XDH: variants seen among roughly 807,000 people sequenced by gnomAD.
XDH encodes xanthine dehydrogenase/oxidase.
Under a neutral mutation model 156.1 loss-of-function variants are expected in XDH, and 138 were observed. The ratio of observed to expected loss-of-function variants is 0.88; its 90% CI spans 0.77 to 1.02. The LOEUF is 1.02. Among genes scored for constraint, XDH ranks in the 50% least tolerant of loss-of-function variants. The pLI, the probability that XDH is intolerant of heterozygous loss-of-function variation, is 0.00. For synonymous variants in XDH, 669 were observed against 625.7 expected (o/e 1.07, Z -1.03); for missense variants, 1,849 against 1,684.9 (o/e 1.10, Z -1.71).
At chr2:31,342,328 G>A (rs1315945848) in intron 31 of XDH, 31 bp from the exon 32 acceptor site, 2 of 1,572,152 alleles carry the variant, frequency 1.3e-6, no homozygotes, top group South Asian at 1.1e-5. Flanking sequence ...TACTGCACAT[G>A]TATTAACATG....
chr2:31,383,944 C>T (rs1224663031), intron 9 of XDH, 97 bp from the exon 10 acceptor site: 16 of 1,037,166 alleles, frequency 1.5e-5, no homozygotes, highest in Non-Finnish European at 2.3e-5. Context: ...GGATATATGA[C>T]ATATCCACAA....
intron 20 of XDH, among the ~76,000 whole-genome samples, chr2:31,367,684 T>A (rs1464341188): frequency 6.6e-6 from 1 of 152,130 alleles, no homozygotes; most frequent in Non-Finnish European, 1.5e-5. Flanking sequence ...CAGGCATATG[T>A]GGCTGTTATC....
chr2:31,350,367 T>TA, intron 24 of XDH, 144 bp from the exon 25 acceptor site: 3 of 335,844 alleles, frequency 8.9e-6, no homozygotes, highest in Non-Finnish European at 1.6e-5. Flanking sequence ...TGCAGCAGCA[T>TA]CTTTTTTTTT....
At chr2:31,397,870 C>A in intron 5 of XDH, 141 bp from the exon 6 acceptor site, 1 of 904,068 alleles carries the variant, frequency 1.1e-6, no homozygotes, top group Non-Finnish European at 1.8e-6. Context: ...GGCCTCTTGG[C>A]CTTCTCATAT....
intron 12 of XDH, among the ~76,000 whole-genome samples, chr2:31,381,007 AT>A (rs1275477041): frequency 6.6e-6 from 1 of 151,794 alleles, no homozygotes; most frequent in African/African-American, 2.4e-5. Flanking sequence ...TTTTATTTTT[AT>A]TTTTTGAGAC....
intron 30 of XDH, 28 bp from the exon 31 acceptor site, chr2:31,344,764 G>C: frequency 6.2e-7 from 1 of 1,613,352 alleles, no homozygotes; most frequent in Non-Finnish European, 8.5e-7. Flanking sequence ...CCATCAGGCA[G>C]GTGAAGTGAG....
intron 35 of XDH, among the ~76,000 whole-genome samples, chr2:31,337,224 T>C (rs1684990170): frequency 6.6e-6 from 1 of 152,054 alleles, no homozygotes; most frequent in Admixed American, 6.6e-5. Flanking sequence ...ATCTAATTAA[T>C]TATTTCCTCT....
chr2:31,339,633 C>T lies in XDH; in HGVS notation c.3630G>A (p.Glu1210=). Residue 1210 remains glutamate (E), a synonymous_variant, in exon 34 of 36, where the codon GAG becomes GAA. Coordinates refer to ENST00000379416, the MANE Select transcript of XDH (RefSeq NM_000379.4). ...TCCCCTCGGGGGAATAGTGTAGCTC[C>T]TCTAGGGTGAAGAGGCCAAGGCCCT... is the stretch of plus-strand genomic sequence containing the variant. ...FVQGLGLFTL[E]ELHYSPEGSL... 1 of 1,614,178 alleles carries T rather than the reference C, an allele frequency of 6.2e-7. No individual in the cohort carries two copies. The highest frequency in any genetic ancestry group is 1.3e-5 in the African/African-American group (1 of 75,056).
intron 18 of XDH, among the ~76,000 whole-genome samples, chr2:31,369,779 T>C (rs1364129117): frequency 6.6e-6 from 1 of 152,248 alleles, no homozygotes; most frequent in Non-Finnish European, 1.5e-5. Flanking sequence ...AATAATAAGA[T>C]GAATTCACTC....
At position 31,349,755 on chromosome 2, in the gene XDH, C is replaced by G; in HGVS notation, c.2900G>C (p.Arg967Thr). Residue 967 changes from arginine to threonine, a missense_variant, in exon 26 of 36, where the codon AGA becomes ACA. Transcript: ENST00000379416. ...NQKLEGFTLP[R>T]CWEECLASSQ... ...GCTTGCTAGGCATTCTTCCCAGCAT[C>G]TGGGCAAGGTGAAACCCTCAAGCTT... is the stretch of plus-strand genomic sequence containing the variant. The G allele has an allele frequency of 6.2e-7, 1 of 1,614,206 alleles. No individual in the cohort carries two copies. Among genetic ancestry groups the G allele is most frequent in the Non-Finnish European group, 8.5e-7 (1 of 1,180,046 alleles).
At position 31,339,110 on chromosome 2, in the gene XDH, C is replaced by T. The variant is rs45456096; in HGVS notation, c.3774+379G>A. 8.8e-3 allele frequency among the ~76,000 whole-genome samples: 1,342 copies of T among 152,208 alleles called. 10 individuals carry two copies. Among genetic ancestry groups the T allele is most frequent in the Non-Finnish European group, 0.015 (1,014 of 68,014 alleles). On this transcript the variant is annotated intron_variant, in intron 34 of 35. Coordinates refer to ENST00000379416, the MANE Select transcript of XDH (RefSeq NM_000379.4). ...TGCTATCCCATTGGCAGTGAATGTG[C>T]TGATTGTCATTGGACCATACTAATG...
At chr2:31,365,569 A>T in intron 22 of XDH, 25 bp from the exon 23 acceptor site, 1 of 1,613,620 alleles carries the variant, frequency 6.2e-7, no homozygotes, top group South Asian at 1.1e-5. Context: ...CAGTGTTAGA[A>T]GCCTGTGAGC....
chr2:31,398,891 A>G (rs1427308347), intron 4 of XDH, among the ~76,000 whole-genome samples, 192 bp from the exon 5 acceptor site: 1 of 152,190 alleles, frequency 6.6e-6, no homozygotes, highest in Non-Finnish European at 1.5e-5. Context: ...TAGGTTCTTC[A>G]TCTGTATGAT....
chr2:31,408,720 G>T (rs2148012749), intron 1 of XDH, among the ~76,000 whole-genome samples: 1 of 152,298 alleles, frequency 6.6e-6, no homozygotes, highest in East Asian at 1.9e-4. Context: ...ATGGAGAACA[G>T]TTTGAAGTTT....
chr2:31,403,275 G>A (rs1687110362), intron 2 of XDH, 131 bp from the exon 3 acceptor site: 1 of 954,746 alleles, frequency 1.0e-6, no homozygotes, highest in South Asian at 1.6e-5. Flanking sequence ...ACCAAGGAAG[G>A]CAGCAGGCCC....
intron 1 of XDH, among the ~76,000 whole-genome samples, chr2:31,406,655 G>A (rs142697961): frequency 8.3e-4 from 127 of 152,250 alleles, no homozygotes; most frequent in African/African-American, 2.9e-3. Context: ...ACGCTGGCTC[G>A]ACCAAGGCCA....
intron 18 of XDH, 80 bp downstream of exon 18, chr2:31,370,275 C>A: frequency 6.5e-7 from 1 of 1,527,476 alleles, no homozygotes; most frequent in South Asian, 1.1e-5. Flanking sequence ...CTTTCCAGAT[C>A]AGGAGTTTGG....
chr2:31,354,333 C>T (rs1685569186), intron 24 of XDH, among the ~76,000 whole-genome samples: 1 of 152,176 alleles, frequency 6.6e-6, no homozygotes. Context: ...ATCATCTGTA[C>T]ATTAATGACG....
At chr2:31,399,606 A>G (rs1018229105) in intron 4 of XDH, among the ~76,000 whole-genome samples, 3 of 152,184 alleles carry the variant, frequency 2.0e-5, no homozygotes, top group African/African-American at 7.2e-5. Context: ...CCCCAATCTC[A>G]TCTTGAATTG....
Sources: allele counts gnomAD v4.1 joint callset (sites outside exome capture counted in the v4.1 genomes callset), GRCh38; gene constraint gnomAD v4.1.1; transcripts MANE v1.5; gene names NCBI Gene and HGNC (gene_info 2026-07-23, HGNC 2026-07-21).